NAT10: variants seen among roughly 807,000 people sequenced by gnomAD.
NAT10 encodes N-acetyltransferase 10.
In NAT10, 109 loss-of-function variants were observed where a neutral mutation model predicts 132.2. The observed-to-expected ratio is 0.82, with a 90% CI of 0.71 to 0.97. The LOEUF is 0.97. Ranked by LOEUF, NAT10 falls within the 50% of genes least tolerant of loss-of-function variation. The pLI, the probability that NAT10 is intolerant of heterozygous loss-of-function variation, is 0.00. For synonymous variants in NAT10, 479 were observed against 478.0 expected (o/e 1.00, Z -0.03); for missense variants, 1,184 against 1,263.4 (o/e 0.94, Z 0.95).
intron 28 of NAT10, among the ~76,000 whole-genome samples, chr11:34,144,303 CTG>C (rs1031592644): frequency 1.1e-4 from 17 of 152,092 alleles, no homozygotes; most frequent in Non-Finnish European, 2.4e-4. Flanking sequence ...AAATGAAAAA[CTG>C]AGAAATTTAA....
chr11:34,140,327 G>A lies in NAT10; in HGVS notation c.2420-73G>A, dbSNP rs115451320. The A allele has an allele frequency of 1.2e-3, 1,655 of 1,433,298 alleles. 25 individuals carry two copies. In the African/African-American group the frequency reaches 0.021, roughly 18 times the overall value. The allele number at this position is 1,433,298 out of a possible 1,614,324, so 88.8% of individuals were successfully genotyped here. ...AGATGCTCCTGTGTGTTAGGGTGCC[G>A]CCTGGGGGCTGTGTGCTATCTCATG... is the stretch of plus-strand genomic sequence containing the variant. On this transcript the variant is annotated intron_variant, in intron 23 of 28. Transcript: ENST00000257829.
chr11:34,118,785 C>A (rs1851832357), intron 8 of NAT10, among the ~76,000 whole-genome samples: 1 of 152,126 alleles, frequency 6.6e-6, no homozygotes, highest in Admixed American at 6.5e-5. Context: ...CACTCTGTCA[C>A]CCAAGCTGGA....
Position 34,131,510 on chromosome 11 carries a change from C to T in NAT10, c.1499C>T (p.Pro500Leu), listed in dbSNP as rs1417739862. ...ATCACTCGGATAGTCTCAGGCTGCC[C>T]CTTGCCTGAAGCTTGTGAACTGTAT... ...LNITRIVSGC[P>L]LPEACELYYV... Residue 500 changes from proline (P) to leucine (L), a missense_variant, in exon 14 of 29, where the codon CCC becomes CTC. Coordinates refer to ENST00000257829, the MANE Select transcript of NAT10 (RefSeq NM_024662.3). 1 of 1,613,756 alleles carries T rather than the reference C, an allele frequency of 6.2e-7. No individual in the cohort carries two copies. Among genetic ancestry groups the T allele is most frequent in the African/African-American group, 1.3e-5 (1 of 74,854 alleles).
chr11:34,115,345 C>G (rs1198527918), intron 5 of NAT10, among the ~76,000 whole-genome samples: 1 of 152,182 alleles, frequency 6.6e-6, no homozygotes, highest in African/African-American at 2.4e-5. Context: ...CCTACTTACC[C>G]TTCAGGCCTC....
At chr11:34,141,315 A>G in intron 25 of NAT10, 107 bp downstream of exon 25, 1 of 1,413,414 alleles carries the variant, frequency 7.1e-7, no homozygotes, top group Non-Finnish European at 9.7e-7. Flanking sequence ...TGTTTGCTGC[A>G]TCTCGTCACA....
In NAT10 at chr11:34,141,174, G is replaced by T. The variant is rs772695375; in HGVS notation, c.2678G>T (p.Gly893Val). ...EIELPSGQLM[G>V]LFNRIIRKVV... ...GAGCTGCCCTCGGGCCAGTTGATGG[G>T]ACTTTTCAACCGGATCATCCGCAAA... The change falls in exon 25 of 29, where the codon GGA (glycine) becomes GTA (valine). Residue 893 changes from glycine to valine, a missense_variant. Physicochemically the swap from Gly to Val is moderately radical, Grantham distance 109. Transcript: ENST00000257829. 6.2e-7 allele frequency: 1 copy of T among 1,614,050 alleles called. No individual in the cohort carries two copies. Among genetic ancestry groups the T allele is most frequent in the Non-Finnish European group, 8.5e-7 (1 of 1,180,026 alleles).
chr11:34,123,690 T>C (rs1851935826), intron 9 of NAT10, 72 bp from the exon 10 acceptor site: 1 of 1,240,648 alleles, frequency 8.1e-7, no homozygotes, highest in South Asian at 1.3e-5. Context: ...AACAAAAATA[T>C]TTTCTTTTTT....
chr11:34,128,521 A>G (rs1041372896), intron 12 of NAT10, among the ~76,000 whole-genome samples: 5 of 152,202 alleles, frequency 3.3e-5, no homozygotes, highest in Non-Finnish European at 7.3e-5. Flanking sequence ...ATATTGTGAA[A>G]TCTTTTGAGG....
At chr11:34,119,718 A>G (rs534527219) in intron 8 of NAT10, among the ~76,000 whole-genome samples, 2 of 152,230 alleles carry the variant, frequency 1.3e-5, no homozygotes, top group Admixed American at 6.5e-5. Flanking sequence ...CTCTTTTTTC[A>G]TGCACATAAA....
chr11:34,111,940 C>G (rs1270262239), intron 3 of NAT10, 112 bp from the exon 4 acceptor site: 3 of 1,292,090 alleles, frequency 2.3e-6, no homozygotes, highest in African/African-American at 3.0e-5. Context: ...TTTCAAGTTC[C>G]CTACTAGCTC....
intron 3 of NAT10, among the ~76,000 whole-genome samples, chr11:34,111,411 T>C (rs1427078417): frequency 7.2e-5 from 11 of 152,194 alleles, no homozygotes; most frequent in Admixed American, 7.2e-4. Flanking sequence ...GCTGTAATCC[T>C]CCATTCTAGA....
intron 28 of NAT10, among the ~76,000 whole-genome samples, chr11:34,144,616 A>G (rs943797247): frequency 1.3e-5 from 2 of 152,230 alleles, no homozygotes; most frequent in Non-Finnish European, 2.9e-5. Flanking sequence ...GACACCTGAA[A>G]GGGTCTTAGG....
At chr11:34,121,732 C>G (rs1305202328) in intron 8 of NAT10, among the ~76,000 whole-genome samples, 1 of 151,402 alleles carries the variant, frequency 6.6e-6, no homozygotes, top group African/African-American at 2.4e-5. Flanking sequence ...TGGTGGTGTG[C>G]GCCTGTAATC....
In NAT10 at chr11:34,143,534, G is replaced by A; in HGVS notation, c.2969+6G>A. On this transcript the variant is annotated splice_donor_region_variant and intron_variant, in intron 28 of 28. Coordinates refer to ENST00000257829, the MANE Select transcript of NAT10 (RefSeq NM_024662.3). ...TCGATCATCAGCCTGAAAAGGTGAGGGCCCAGGGTCTGATGTGCATCTGGC... is the reference window on the plus strand; with the variant it reads ...TCGATCATCAGCCTGAAAAGGTGAGAGCCCAGGGTCTGATGTGCATCTGGC... The A allele has an allele frequency of 6.2e-7, 1 of 1,613,318 alleles. No homozygotes were observed. The highest frequency in any genetic ancestry group is 8.5e-7 in the Non-Finnish European group (1 of 1,179,656).
At position 34,143,453 on chromosome 11, in the gene NAT10, TC is replaced by T; in HGVS notation, c.2896del (p.Arg966ValfsTer11). 5.0e-6 allele frequency: 8 copies of T among 1,612,454 alleles called. No individual in the cohort carries two copies. The highest frequency in any genetic ancestry group is 5.9e-6 in the Non-Finnish European group (7 of 1,179,088). On this transcript the variant is annotated frameshift_variant, in exon 28 of 29. Coordinates refer to ENST00000257829, the MANE Select transcript of NAT10 (RefSeq NM_024662.3). LOFTEE classifies it high-confidence loss of function. The stretch of plus-strand genomic sequence containing the variant: ...TCCCTTCTTTTTTTTAGATACATAA[TC>T]CGTGGGGACGATGAAGAGTGGAATG... Reference protein sequence around the residue: ...LKSMDLSEYIIRGDDEEWNEV... With the variant: ...LKSMDLSEYIXRGDDEEWNEV...
chr11:34,119,635 AGTG>A (rs1326844006), intron 8 of NAT10, among the ~76,000 whole-genome samples: 3 of 152,384 alleles, frequency 2.0e-5, no homozygotes, highest in Admixed American at 2.0e-4. Flanking sequence ...AAAAATAAGA[AGTG>A]GTGTTTCCAC....
intron 24 of NAT10, 133 bp downstream of exon 24, chr11:34,140,705 A>G (rs1852310725): frequency 1.5e-5 from 16 of 1,064,428 alleles, no homozygotes; most frequent in Non-Finnish European, 1.8e-5. Flanking sequence ...GGGTAGTGGC[A>G]TCCTCATTCT....
In NAT10 at chr11:34,132,113, C is replaced by G; in HGVS notation, c.1521-12C>G. On this transcript the variant is annotated splice_polypyrimidine_tract_variant and intron_variant, in intron 14 of 28. Coordinates refer to ENST00000257829, the MANE Select transcript of NAT10 (RefSeq NM_024662.3). ...TATTTGTTTTGTTTTGGTTTCTTAA[C>G]TCCAGACCCAGGTACTATGTTAATA... 6.2e-7 allele frequency: 1 copy of G among 1,604,754 alleles called. No homozygotes were observed. The highest frequency in any genetic ancestry group is 8.5e-7 in the Non-Finnish European group (1 of 1,171,530).
intron 25 of NAT10, 63 bp downstream of exon 25, chr11:34,141,271 G>A (rs1852323385): frequency 1.9e-6 from 3 of 1,605,604 alleles, no homozygotes. Context: ...CCCACTCCCT[G>A]CTCCCGAGAT....
Sources: gnomAD v4.1 joint callset for allele counts (sites outside exome capture counted in the v4.1 genomes callset) on GRCh38, gnomAD v4.1.1 for gene constraint, MANE v1.5 for transcripts, NCBI Gene and HGNC (gene_info 2026-07-23, HGNC 2026-07-21) for gene names.